Variants in ATAD1 observed in about 807,000 individuals in gnomAD.
ATAD1 encodes the protein outer mitochondrial transmembrane helix translocase.
A neutral mutation model predicts 42.7 loss-of-function variants in ATAD1; 18 were observed. The observed-to-expected ratio is 0.42, with a 90% CI of 0.29 to 0.63. ATAD1 has a LOEUF of 0.63. ATAD1 is among the 20% of genes least tolerant of loss of function. The pLI is 0.19. For synonymous variants in ATAD1, 132 were observed against 143.1 expected (o/e 0.92, Z 0.55); for missense variants, 294 against 440.4 (o/e 0.67, Z 2.98).
At chr10:87,818,129 A>C in intron 1 of ATAD1, 38 bp downstream of exon 1, 1 of 985,560 alleles carries the variant, frequency 1.0e-6, no homozygotes, top group Non-Finnish European at 1.2e-6. Context: ...AGGATACGAC[A>C]ACCATCCCAT....
In ATAD1 at chr10:87,805,781, T is replaced by A. The variant is rs148669434; in HGVS notation, c.162+8657A>T. Among the ~76,000 whole-genome samples the A allele has an allele frequency of 1.1e-4, 17 of 152,094 alleles. No homozygotes were observed. The East Asian group carries it at 3.3e-3, about 29-fold the overall frequency. The stretch of plus-strand genomic sequence containing the variant: ...TCCACTAACCTTCTCCCTTTTTTTT[T>A]TCTTTTCCCCCAACTCTAGAATGAC... On this transcript the variant is annotated intron_variant, in intron 2 of 9. Transcript: ENST00000680024.
At chr10:87,808,327 A>G (rs1857017834) in intron 2 of ATAD1, among the ~76,000 whole-genome samples, 1 of 69,564 alleles carries the variant, frequency 1.4e-5, no homozygotes, top group Non-Finnish European at 2.8e-5. Flanking sequence ...GTAAACAAAG[A>G]AAAGCCAAAA....
intron 1 of ATAD1, among the ~76,000 whole-genome samples, chr10:87,817,305 T>A (rs921406971): frequency 2.0e-5 from 3 of 152,208 alleles, no homozygotes; most frequent in African/African-American, 7.2e-5. Context: ...GCAGGGAGCG[T>A]ATTTCAATCC....
intron 1 of ATAD1, among the ~76,000 whole-genome samples, chr10:87,836,206 A>G (rs1199782995): frequency 6.6e-6 from 1 of 152,014 alleles, no homozygotes; most frequent in Non-Finnish European, 1.5e-5. Flanking sequence ...GCCCACTGTA[A>G]CCTCAAACTC....
intron 2 of ATAD1, among the ~76,000 whole-genome samples, chr10:87,810,146 T>C (rs1389332913): frequency 2.0e-5 from 3 of 152,190 alleles, no homozygotes; most frequent in African/African-American, 7.2e-5. Flanking sequence ...CATTTCATTA[T>C]TATGTGCTTT....
intron 2 of ATAD1, among the ~76,000 whole-genome samples, chr10:87,798,473 C>T (rs915508071): frequency 1.3e-5 from 2 of 152,006 alleles, no homozygotes; most frequent in African/African-American, 2.4e-5. Flanking sequence ...CTTTCTGTGT[C>T]TTTCATTTCT....
At chr10:87,781,312 TA>T (rs1332630118) in intron 5 of ATAD1, among the ~76,000 whole-genome samples, 2 of 151,898 alleles carry the variant, frequency 1.3e-5, no homozygotes, top group Non-Finnish European at 2.9e-5. Flanking sequence ...CAAGCTACAG[TA>T]AAAAAAGGGA....
chr10:87,770,911 T>G, intron 7 of ATAD1, 41 bp downstream of exon 7: 4 of 1,541,912 alleles, frequency 2.6e-6, no homozygotes, highest in Non-Finnish European at 3.6e-6. Flanking sequence ...TATAAAAAGG[T>G]GAGTATTTAA....
intron 2 of ATAD1, among the ~76,000 whole-genome samples, chr10:87,799,488 G>T (rs779804565): frequency 3.9e-5 from 6 of 152,166 alleles, no homozygotes; most frequent in Non-Finnish European, 8.8e-5. Context: ...TATAAACCAA[G>T]TTCCTCCCGA....
chr10:87,774,413 C>T (rs1345577175), intron 6 of ATAD1, among the ~76,000 whole-genome samples: 2 of 152,018 alleles, frequency 1.3e-5, no homozygotes, highest in Admixed American at 1.3e-4. Context: ...TTGTTGATGC[C>T]AGGGTTCTGA....
At chr10:87,787,277 G>T (rs1303699369) in intron 4 of ATAD1, among the ~76,000 whole-genome samples, 1 of 152,072 alleles carries the variant, frequency 6.6e-6, no homozygotes, top group Admixed American at 6.6e-5. Context: ...TTTTAAGACG[G>T]ATGTTTTTGG....
At chr10:87,766,755 G>A (rs1037139090) in intron 8 of ATAD1, among the ~76,000 whole-genome samples, 9 of 151,816 alleles carry the variant, frequency 5.9e-5, no homozygotes, top group South Asian at 2.1e-4. Flanking sequence ...AGGTTGCAGT[G>A]AGCCGAGATC....
chr10:87,823,578 TTGAG>T (rs1397564536), intron 1 of ATAD1, among the ~76,000 whole-genome samples: 1 of 152,136 alleles, frequency 6.6e-6, no homozygotes, highest in Non-Finnish European at 1.5e-5. Context: ...GTGGGAAAGA[TTGAG>T]TAAGAATAAC....
Position 87,756,784 on chromosome 10 carries a change from C to T in ATAD1, c.965+5G>A, listed in dbSNP as rs942230969. On this transcript the variant is annotated splice_donor_5th_base_variant and intron_variant, in intron 9 of 9. Coordinates refer to ENST00000680024, the MANE Select transcript of ATAD1 (RefSeq NM_001321967.2). ...AGTGTTAAAAATCAAGTCAAAATAA[C>T]ATACCTTTCTTCTGATGTAGAATTA... 3 of 1,587,186 alleles carry T rather than the reference C, an allele frequency of 1.9e-6. No homozygotes were observed. Among genetic ancestry groups the T allele is most frequent in the Admixed American group, 1.8e-5 (1 of 54,148 alleles).
chr10:87,755,387 C>T (rs1854173308), intron 9 of ATAD1, among the ~76,000 whole-genome samples: 1 of 152,008 alleles, frequency 6.6e-6, no homozygotes, highest in Non-Finnish European at 1.5e-5. Flanking sequence ...CAGGGAAAAA[C>T]ATTCAGGAAA....
At chr10:87,811,065 GC>G (rs1430665835) in intron 2 of ATAD1, among the ~76,000 whole-genome samples, 1 of 152,130 alleles carries the variant, frequency 6.6e-6, no homozygotes, top group Non-Finnish European at 1.5e-5. Flanking sequence ...AGACACAGTG[GC>G]CCACACCTGT....
At chr10:87,812,045 T>C (rs1857208853) in intron 2 of ATAD1, among the ~76,000 whole-genome samples, 1 of 152,182 alleles carries the variant, frequency 6.6e-6, no homozygotes, top group Admixed American at 6.5e-5. Context: ...TTCATTTGTG[T>C]TAGTCTATTT....
chr10:87,822,552 TCTCA>T (rs1589571473), upstream of ATAD1, among the ~76,000 whole-genome samples: 1 of 152,204 alleles, frequency 6.6e-6, no homozygotes, highest in East Asian at 1.9e-4. Flanking sequence ...CTTTGCATGT[TCTCA>T]CTCATTTGTG....
chr10:87,826,612 T>C (rs1258443944), intron 1 of ATAD1, among the ~76,000 whole-genome samples: 4 of 152,216 alleles, frequency 2.6e-5, no homozygotes, highest in African/African-American at 9.7e-5. Context: ...GGCTGGACCG[T>C]GTGCCACCTT....
Sources: gnomAD v4.1 joint callset for allele counts (sites outside exome capture counted in the v4.1 genomes callset) on GRCh38, gnomAD v4.1.1 for gene constraint, MANE v1.5 for transcripts, NCBI Gene and HGNC (gene_info 2026-07-23, HGNC 2026-07-21) for gene names.